Variants in GSK3B observed in about 807,000 individuals in gnomAD.
GSK3B encodes the protein glycogen synthase kinase-3 beta.
Under a neutral mutation model 56.4 loss-of-function variants are expected in GSK3B, and 15 were observed. The ratio of observed to expected loss-of-function variants is 0.27; its 90% CI spans 0.18 to 0.41. GSK3B has a LOEUF of 0.41. Ranked by LOEUF, GSK3B falls within the 10% of genes least tolerant of loss-of-function variation. The pLI, the probability that GSK3B is intolerant of heterozygous loss-of-function variation, is 1.00. For synonymous variants in GSK3B, 181 were observed against 188.9 expected (o/e 0.96, Z 0.34); for missense variants, 300 against 513.4 (o/e 0.58, Z 4.02).
intron 10 of GSK3B, among the ~76,000 whole-genome samples, chr3:119,829,460 T>G (rs1455883072): frequency 6.6e-6 from 1 of 152,194 alleles, no homozygotes; most frequent in East Asian, 1.9e-4. Context: ...CATCAGAAAT[T>G]TATCTATCTG....
chr3:119,962,645 C>T (rs1305424621), intron 2 of GSK3B, among the ~76,000 whole-genome samples: 1 of 152,184 alleles, frequency 6.6e-6, no homozygotes, highest in Admixed American at 6.5e-5. Flanking sequence ...CATGCACACA[C>T]ACAAAACTGT....
At chr3:119,883,967 T>C (rs531470669) in intron 7 of GSK3B, among the ~76,000 whole-genome samples, 5 of 152,210 alleles carry the variant, frequency 3.3e-5, no homozygotes, top group East Asian at 3.9e-4. Context: ...ATTAGATATA[T>C]TACTTAGAAG....
chr3:119,971,127 C>A (rs1333904215), intron 2 of GSK3B, among the ~76,000 whole-genome samples: 1 of 152,066 alleles, frequency 6.6e-6, no homozygotes, highest in African/African-American at 2.4e-5. Context: ...CAAATGTCTC[C>A]AAAATTCCCC....
intron 9 of GSK3B, among the ~76,000 whole-genome samples, chr3:119,856,056 A>G (rs1276849440): frequency 1.3e-5 from 2 of 152,114 alleles, no homozygotes; most frequent in African/African-American, 2.4e-5. Context: ...TTGTATCTCA[A>G]TCCTATTGTG....
At chr3:119,834,804 G>A (rs577852980) in intron 10 of GSK3B, among the ~76,000 whole-genome samples, 6 of 152,266 alleles carry the variant, frequency 3.9e-5, no homozygotes, top group African/African-American at 1.4e-4. Flanking sequence ...TACTTTTAGA[G>A]GAGGGGAAAA....
chr3:119,843,626 A>T (rs1363073171), intron 9 of GSK3B: 1 of 222,558 alleles, frequency 4.5e-6, no homozygotes, highest in Admixed American at 5.7e-5. Flanking sequence ...AGAGCTAACT[A>T]TCATAAATAT....
In GSK3B at chr3:119,967,526, G is replaced by A. The variant is rs948363342; in HGVS notation, c.283-20175C>T. The stretch of plus-strand genomic sequence containing the variant: ...CTTTTTACAAAGACAAAGTAATCAA[G>A]ACAGTGTGGTACTGGCATAAGGACA... On this transcript the variant is annotated intron_variant, in intron 2 of 10. Coordinates refer to ENST00000264235, the MANE Select transcript of GSK3B (RefSeq NM_001146156.2). Among the ~76,000 whole-genome samples the A allele has an allele frequency of 1.1e-4, 16 of 152,272 alleles. No homozygotes were observed. The East Asian group carries it at 3.1e-3, about 29-fold the overall frequency.
chr3:119,970,962 T>C (rs1021024615), intron 2 of GSK3B, among the ~76,000 whole-genome samples: 3 of 152,222 alleles, frequency 2.0e-5, no homozygotes, highest in African/African-American at 4.8e-5. Flanking sequence ...CTTAAACAAT[T>C]AGAATATCTC....
chr3:120,061,892 G>A (rs761793718), intron 1 of GSK3B, among the ~76,000 whole-genome samples: 12 of 151,918 alleles, frequency 7.9e-5, no homozygotes, highest in East Asian at 7.7e-4. Context: ...GCTACCACGC[G>A]CAGCTAATTT....
At chr3:120,064,866 A>G (rs966283385) in intron 1 of GSK3B, among the ~76,000 whole-genome samples, 2 of 152,228 alleles carry the variant, frequency 1.3e-5, no homozygotes, top group African/African-American at 4.8e-5. Context: ...TGGTCAACTG[A>G]TGAGTAATAA....
rs1014711762 is a variant in GSK3B at position 119,986,660 on chromosome 3, G to A, written c.282+15386C>T. Among the ~76,000 whole-genome samples the A allele has an allele frequency of 3.9e-5, 6 of 152,062 alleles. No individual in the cohort carries two copies. In the East Asian group the frequency reaches 7.7e-4, roughly 20 times the overall value. On this transcript the variant is annotated intron_variant, in intron 2 of 10. Transcript: ENST00000264235. The stretch of plus-strand genomic sequence containing the variant: ...ACCATCTCACGCCAGTTAGAATGGC[G>A]GTCGTTAAAAAGTCAGGAAACAACA...
At chr3:120,083,642 T>A (rs186983565) in intron 1 of GSK3B, among the ~76,000 whole-genome samples, 53 of 152,314 alleles carry the variant, frequency 3.5e-4, no homozygotes, top group African/African-American at 1.0e-3. Context: ...CACCCAGCCA[T>A]TCCACTACTT....
At chr3:120,002,553 G>C (rs1235754435) in intron 1 of GSK3B, among the ~76,000 whole-genome samples, 1 of 152,006 alleles carries the variant, frequency 6.6e-6, no homozygotes, top group African/African-American at 2.4e-5. Context: ...TGGCCAGGCT[G>C]GTCTTGAACT....
chr3:120,029,081 C>T (rs1391346426), intron 1 of GSK3B: 3 of 771,608 alleles, frequency 3.9e-6, no homozygotes, highest in Non-Finnish European at 6.6e-6. Flanking sequence ...TTTGGATCAG[C>T]TACTATTTGG....
intron 2 of GSK3B, among the ~76,000 whole-genome samples, chr3:119,967,830 CT>C (rs1225279619): frequency 2.8e-5 from 2 of 71,308 alleles, no homozygotes; most frequent in African/African-American, 1.4e-4. Context: ...TTCTCTCTTT[CT>C]CTTTCTCTCT....
intron 2 of GSK3B, among the ~76,000 whole-genome samples, chr3:119,960,281 A>G (rs1412464259): frequency 6.6e-6 from 1 of 152,060 alleles, no homozygotes; most frequent in Non-Finnish European, 1.5e-5. Flanking sequence ...GCCAGGGGTT[A>G]CACTGGGTGT....
intron 1 of GSK3B, among the ~76,000 whole-genome samples, chr3:120,020,661 A>T (rs1576276358): frequency 6.6e-6 from 1 of 151,522 alleles, no homozygotes; most frequent in Non-Finnish European, 1.5e-5. Flanking sequence ...AATTAGGCCA[A>T]TTAATAAGCC....
At chr3:119,926,161 A>G (rs559211615) in intron 3 of GSK3B, among the ~76,000 whole-genome samples, 1 of 152,228 alleles carries the variant, frequency 6.6e-6, no homozygotes, top group South Asian at 2.1e-4. Flanking sequence ...CATCCAGTCT[A>G]ATGACTCAAT....
At chr3:120,045,158 A>G (rs2058092683) in intron 1 of GSK3B, among the ~76,000 whole-genome samples, 1 of 152,232 alleles carries the variant, frequency 6.6e-6, no homozygotes, top group Non-Finnish European at 1.5e-5. Flanking sequence ...TTTTCCTTTT[A>G]AAGGATCAAG....
Sources: gnomAD v4.1 joint callset for allele counts (sites outside exome capture counted in the v4.1 genomes callset) on GRCh38, gnomAD v4.1.1 for gene constraint, MANE v1.5 for transcripts, NCBI Gene and HGNC (gene_info 2026-07-23, HGNC 2026-07-21) for gene names.